CLSTN2: variants seen among roughly 807,000 people sequenced by gnomAD.
CLSTN2 encodes calsyntenin-2.
In CLSTN2, 48 loss-of-function variants were observed where a neutral mutation model predicts 101.2. The ratio of observed to expected loss-of-function variants is 0.47; its 90% CI spans 0.38 to 0.60. CLSTN2 has a LOEUF of 0.60. CLSTN2 is among the 20% of genes least tolerant of loss of function. The pLI is 0.00. For missense variants in CLSTN2, 1,160 were observed against 1,238.2 expected, an observed-to-expected ratio of 0.94 and a Z score of 0.95; for synonymous variants, 481 against 463.6, an observed-to-expected ratio of 1.04 and a Z score of -0.48.
chr3:140,198,604 T>C (rs541540374), intron 2 of CLSTN2, among the ~76,000 whole-genome samples: 2 of 152,260 alleles, frequency 1.3e-5, no homozygotes, highest in East Asian at 3.9e-4. Context: ...TAACAGCAGG[T>C]AGTACACATA....
intron 8 of CLSTN2, among the ~76,000 whole-genome samples, chr3:140,491,573 A>G (rs1576596277): frequency 1.3e-5 from 2 of 152,338 alleles, no homozygotes; most frequent in African/African-American, 2.4e-5. Context: ...TGTAATCCCA[A>G]CACTTTGGGA....
intron 1 of CLSTN2, among the ~76,000 whole-genome samples, chr3:139,968,881 A>G (rs182346468): frequency 2.6e-4 from 40 of 152,350 alleles, no homozygotes; most frequent in African/African-American, 9.4e-4. Flanking sequence ...GCAACAGTAG[A>G]AGACATAAAC....
chr3:140,341,019 C>T (rs950826485), intron 2 of CLSTN2, among the ~76,000 whole-genome samples: 1 of 152,184 alleles, frequency 6.6e-6, no homozygotes, highest in South Asian at 2.1e-4. Context: ...ACTTGACTTA[C>T]CACTGTCGAC....
intron 1 of CLSTN2, among the ~76,000 whole-genome samples, chr3:139,978,221 A>G (rs915951942): frequency 6.6e-6 from 1 of 152,178 alleles, no homozygotes; most frequent in East Asian, 1.9e-4. Flanking sequence ...ATTGCCAGGC[A>G]CCCTGTTAGA....
chr3:140,345,639 C>A (rs1157766964), intron 2 of CLSTN2, among the ~76,000 whole-genome samples: 2 of 142,252 alleles, frequency 1.4e-5, no homozygotes, highest in Non-Finnish European at 3.0e-5. Context: ...GGGCATGGAG[C>A]CAGAAGCATG....
intron 1 of CLSTN2, among the ~76,000 whole-genome samples, chr3:139,941,447 C>A (rs2107806658): frequency 6.6e-6 from 1 of 152,244 alleles, no homozygotes; most frequent in East Asian, 1.9e-4. Flanking sequence ...GTGAGGGGAA[C>A]AAAAAGATAA....
intron 2 of CLSTN2, among the ~76,000 whole-genome samples, chr3:140,279,659 G>T (rs980736916): frequency 6.6e-6 from 1 of 152,170 alleles, no homozygotes; most frequent in Non-Finnish European, 1.5e-5. Flanking sequence ...TAACTGTGGT[G>T]GATGAGCCCC....
chr3:140,336,622 A>G (rs987967454), intron 2 of CLSTN2, among the ~76,000 whole-genome samples: 2 of 152,108 alleles, frequency 1.3e-5, no homozygotes, highest in Admixed American at 1.3e-4. Flanking sequence ...TTGGGAACTT[A>G]CCCTCTGCCA....
intron 8 of CLSTN2, among the ~76,000 whole-genome samples, chr3:140,518,631 T>G (rs1035013786): frequency 6.6e-6 from 1 of 152,208 alleles, no homozygotes; most frequent in Non-Finnish European, 1.5e-5. Flanking sequence ...TTCACACTTT[T>G]ACACTTTGGG....
rs193064763 is a variant in CLSTN2, at chr3:140,525,040, G to A, written c.1345-7284G>A. Among the ~76,000 whole-genome samples, 171 of 152,204 alleles carry A rather than the reference G, an allele frequency of 1.1e-3. 1 individual carries two copies. Among genetic ancestry groups the A allele is most frequent in the Admixed American group, 4.8e-3 (73 of 15,294 alleles). On this transcript the variant is annotated intron_variant, in intron 8 of 16. Transcript: ENST00000458420. Reference sequence around the variant, plus strand: ...TCTAACATCACACCTAGAGGAAGAAGGGGAGAAAAAGAACAATCCAACCTC... The same window carrying A: ...TCTAACATCACACCTAGAGGAAGAAAGGGAGAAAAAGAACAATCCAACCTC...
intron 8 of CLSTN2, among the ~76,000 whole-genome samples, chr3:140,532,054 G>A (rs1935265928): frequency 6.6e-6 from 1 of 152,068 alleles, no homozygotes; most frequent in South Asian, 2.1e-4. Context: ...TGCCTCCCCA[G>A]GTGCACCATG....
chr3:140,460,254 T>C (rs1220279692), intron 7 of CLSTN2: 7 of 164,034 alleles, frequency 4.3e-5, no homozygotes, highest in African/African-American at 1.7e-4. Context: ...ATAGCTACCA[T>C]TCGATAGGCT....
intron 6 of CLSTN2, among the ~76,000 whole-genome samples, chr3:140,456,866 C>T (rs1002315784): frequency 6.6e-6 from 1 of 152,022 alleles, no homozygotes; most frequent in Non-Finnish European, 1.5e-5. Context: ...ATAACCCTGA[C>T]CAGCACTGGG....
At chr3:140,193,261 G>GTTTTT (rs367933711) in intron 2 of CLSTN2, among the ~76,000 whole-genome samples, 9 of 87,400 alleles carry the variant, frequency 1.0e-4, no homozygotes, top group Non-Finnish European at 1.6e-4. Flanking sequence ...CTTTTTTATA[G>GTTTTT]TTTTTTTTTT....
intron 1 of CLSTN2, among the ~76,000 whole-genome samples, chr3:140,098,355 C>T (rs1349338344): frequency 6.6e-6 from 1 of 152,188 alleles, no homozygotes; most frequent in Admixed American, 6.5e-5. Flanking sequence ...TTAGAATAAG[C>T]CTTTTCCACA....
chr3:140,445,281 C>A (rs1218764061), intron 5 of CLSTN2, among the ~76,000 whole-genome samples: 1 of 152,098 alleles, frequency 6.6e-6, no homozygotes, highest in African/African-American at 2.4e-5. Flanking sequence ...TATTTGAACT[C>A]CTTTTAAAAA....
chr3:139,966,466 T>C (rs1035180213), intron 1 of CLSTN2, among the ~76,000 whole-genome samples: 6 of 152,190 alleles, frequency 3.9e-5, no homozygotes, highest in African/African-American at 1.4e-4. Flanking sequence ...CGGTTTCCTC[T>C]GCCTGGGATA....
intron 2 of CLSTN2, among the ~76,000 whole-genome samples, chr3:140,316,394 C>T (rs1324323445): frequency 1.3e-5 from 2 of 152,194 alleles, no homozygotes; most frequent in Non-Finnish European, 2.9e-5. Flanking sequence ...AGTCCAAATT[C>T]AATAGCATAT....
chr3:140,149,619 C>T (rs1376722885), intron 1 of CLSTN2, among the ~76,000 whole-genome samples: 2 of 152,124 alleles, frequency 1.3e-5, no homozygotes, highest in Admixed American at 6.5e-5. Flanking sequence ...CCACCATGCC[C>T]AGCTAATTTT....
Sources: gnomAD v4.1 joint callset for allele counts (sites outside exome capture counted in the v4.1 genomes callset) on GRCh38, gnomAD v4.1.1 for gene constraint, MANE v1.5 for transcripts, NCBI Gene and HGNC (gene_info 2026-07-23, HGNC 2026-07-21) for gene names.